TSPAN18: variants seen among roughly 807,000 people sequenced by gnomAD.
TSPAN18 encodes the protein tetraspanin-18.
Under a neutral mutation model 27.3 loss-of-function variants are expected in TSPAN18, and 14 were observed. The observed-to-expected ratio is 0.51, with a 90% CI of 0.34 to 0.80. The LOEUF is 0.80. Among genes scored for constraint, TSPAN18 ranks in the 30% least tolerant of loss-of-function variants. The probability of loss-of-function intolerance (pLI) is 0.01; values close to 1 mark genes in which losing one functional copy is unlikely to be tolerated. For synonymous variants in TSPAN18, 143 were observed against 136.5 expected, an observed-to-expected ratio of 1.05 and a Z score of -0.33; for missense variants, 268 against 323.9, an observed-to-expected ratio of 0.83 and a Z score of 1.32.
intron 2 of TSPAN18, among the ~76,000 whole-genome samples, chr11:44,825,441 T>A (rs1415751033): frequency 6.6e-6 from 1 of 152,152 alleles, no homozygotes; most frequent in Non-Finnish European, 1.5e-5. Context: ...TCAGTCTGAC[T>A]CCAGTGCTCT....
At chr11:44,807,228 AAAAAAAAAG>A (rs1425177166) in intron 2 of TSPAN18, among the ~76,000 whole-genome samples, 265 of 24,532 alleles carry the variant, frequency 0.011, 36 homozygotes, top group African/African-American at 0.018. Flanking sequence ...AAAAAAAAAA[AAAAAAAAAG>A]AAGGAAAGAG....
rs1034849545 is a variant in TSPAN18, at chr11:44,746,175, G to A, written c.-239-18251G>A. Among the ~76,000 whole-genome samples, 70 of 152,350 alleles carry A rather than the reference G, an allele frequency of 4.6e-4. 1 individual carries two copies. Among genetic ancestry groups the A allele is most frequent in the African/African-American group, 1.6e-3 (67 of 41,574 alleles). On this transcript the variant is annotated intron_variant, in intron 1 of 9. Coordinates refer to ENST00000520358, the MANE Select transcript of TSPAN18 (RefSeq NM_130783.5). ...TGGGGATAAGCAGCAGCTGCCCCCC[G>A]TGGGTGGGGCACGTTGCTCTCTTCT...
chr11:44,909,943 GT>G, intron 5 of TSPAN18, 44 bp downstream of exon 5: 2 of 1,564,246 alleles, frequency 1.3e-6, no homozygotes, highest in Non-Finnish European at 1.7e-6. Flanking sequence ...GCTCTGAGGG[GT>G]GTCAGGGATT....
intron 2 of TSPAN18, among the ~76,000 whole-genome samples, chr11:44,828,426 T>G (rs910527662): frequency 1.3e-5 from 2 of 152,146 alleles, no homozygotes; most frequent in African/African-American, 4.8e-5. Context: ...TCTAGAATGG[T>G]TTCCTTACCT....
Position 44,798,384 on chromosome 11 carries a change from CAA to C in TSPAN18, c.-153+33873_-153+33874del, listed in dbSNP as rs1056832970. ...CACAGACAGGGAAAGACGGGGAAAG[CAA>C]GACTTGGAGGATTAAGTCGCTTGTC... On this transcript the variant is annotated intron_variant, in intron 2 of 9. Transcript: ENST00000520358. Among the ~76,000 whole-genome samples, 35 of 151,996 alleles carry C rather than the reference CAA, an allele frequency of 2.3e-4. 1 individual carries two copies. The highest frequency in any genetic ancestry group is 8.5e-4 in the African/African-American group (35 of 41,376).
At chr11:44,741,353 G>C (rs1425653075) in intron 1 of TSPAN18, among the ~76,000 whole-genome samples, 1 of 151,918 alleles carries the variant, frequency 6.6e-6, no homozygotes, top group Non-Finnish European at 1.5e-5. Context: ...TAAAAATGTG[G>C]TTGCTATGTA....
chr11:44,871,850 A>G (rs1374061355), intron 3 of TSPAN18, among the ~76,000 whole-genome samples: 1 of 152,158 alleles, frequency 6.6e-6, no homozygotes, highest in Admixed American at 6.5e-5. Context: ...AGTGGTTAAA[A>G]GCCACTCACT....
rs56785088 is a variant in TSPAN18, at chr11:44,908,744, AAGAG to A, written c.64-943_64-940del. Among the ~76,000 whole-genome samples, 296 of 90,514 alleles carry A rather than the reference AAGAG, an allele frequency of 3.3e-3. 21 individuals are homozygous for A. Among genetic ancestry groups the A allele is most frequent in the Middle Eastern group, 0.013 (3 of 228 alleles). The allele number at this position is 90,514 out of a possible 152,430, so 59.4% of individuals were successfully genotyped here. A position where few individuals can be genotyped will look rare whatever the true frequency, so the allele number is the denominator to read the frequency against. ...GCAAGACTGTCTCAAAAAAGAAAGA[AAGAG>A]AGAGAGAGAGAGAGAGAAAGGAGAA... is the stretch of plus-strand genomic sequence containing the variant. On this transcript the variant is annotated intron_variant, in intron 4 of 9. Transcript: ENST00000520358.
intron 3 of TSPAN18, among the ~76,000 whole-genome samples, chr11:44,875,051 G>A (rs1234323871): frequency 6.6e-6 from 1 of 152,210 alleles, no homozygotes; most frequent in African/African-American, 2.4e-5. Flanking sequence ...CTTCCCCAGG[G>A]CTGGAGCAGC....
rs1220013049 is a variant in TSPAN18, at chr11:44,860,325, C to T, written c.-152-3C>T. ...CACGGCTGCTTCTGCTTCCCTCTCA[C>T]AGGTGAGCATCTCCTGGACCACCCT... is the stretch of plus-strand genomic sequence containing the variant. On this transcript the variant is annotated splice_region_variant and splice_polypyrimidine_tract_variant and intron_variant, in intron 2 of 9. Coordinates refer to ENST00000520358, the MANE Select transcript of TSPAN18 (RefSeq NM_130783.5). 2 of 152,192 alleles carry T rather than the reference C, an allele frequency of 1.3e-5. No individual in the cohort carries two copies. The highest frequency in any genetic ancestry group is 2.4e-5 in the African/African-American group (1 of 41,462). The allele number at this position is 152,192 out of a possible 1,614,324, so 9.4% of individuals were successfully genotyped here. A position where few individuals can be genotyped will look rare whatever the true frequency, so the allele number is the denominator to read the frequency against.
In TSPAN18 at chr11:44,867,610, G is replaced by A. The variant is rs747273001; in HGVS notation, c.-11+7141G>A. ...GATGGGGTTTCACCATGTTGACCAG[G>A]GTGGTCTCAAACTCCTGACCTCAGG... On this transcript the variant is annotated intron_variant, in intron 3 of 9. Coordinates refer to ENST00000520358, the MANE Select transcript of TSPAN18 (RefSeq NM_130783.5). Among the ~76,000 whole-genome samples the A allele has an allele frequency of 5.3e-4, 81 of 152,030 alleles. 1 individual carries two copies. The highest frequency in any genetic ancestry group is 7.2e-4 in the Non-Finnish European group (49 of 67,974).
At chr11:44,872,311 C>CT (rs1296358761) in intron 3 of TSPAN18, among the ~76,000 whole-genome samples, 2 of 152,248 alleles carry the variant, frequency 1.3e-5, no homozygotes, top group Non-Finnish European at 1.5e-5. Flanking sequence ...AGTTGCCTCC[C>CT]TAAAGGTCCT....
At chr11:44,737,333 C>T (rs1037238432) in intron 1 of TSPAN18, among the ~76,000 whole-genome samples, 4 of 152,142 alleles carry the variant, frequency 2.6e-5, no homozygotes, top group African/African-American at 7.2e-5. Context: ...TTGTGGTCAC[C>T]GCAGGAAGCA....
intron 2 of TSPAN18, among the ~76,000 whole-genome samples, chr11:44,836,843 C>T (rs559147534): frequency 3.3e-5 from 5 of 152,314 alleles, no homozygotes; most frequent in African/African-American, 4.8e-5. Context: ...GATGACAGCA[C>T]GTCTGTTTAC....
At chr11:44,784,618 G>A (rs971525037) in intron 2 of TSPAN18, among the ~76,000 whole-genome samples, 6 of 152,116 alleles carry the variant, frequency 3.9e-5, no homozygotes, top group African/African-American at 1.2e-4. Context: ...TCTCCATCCC[G>A]GGACAGAAGA....
intron 4 of TSPAN18, among the ~76,000 whole-genome samples, chr11:44,908,769 G>GAAAGAAGGAAAGAA (rs1554938043): frequency 5.6e-5 from 4 of 71,620 alleles, no homozygotes; most frequent in African/African-American, 2.7e-4. Flanking sequence ...AGAGAGAAAG[G>GAAAGAAGGAAAGAA]AGAAAGAAAG....
chr11:44,751,586 G>GT (rs971696905), intron 1 of TSPAN18, among the ~76,000 whole-genome samples: 1 of 152,080 alleles, frequency 6.6e-6, no homozygotes, highest in African/African-American at 2.4e-5. Flanking sequence ...TTGTTTCTGC[G>GT]TTTAAATAAT....
intron 2 of TSPAN18, among the ~76,000 whole-genome samples, chr11:44,796,550 G>A (rs1403625493): frequency 3.3e-5 from 5 of 152,154 alleles, no homozygotes; most frequent in African/African-American, 9.7e-5. Flanking sequence ...ACACCTCTCC[G>A]GGTTTTGCCT....
At chr11:44,843,709 C>T (rs1412764172) in intron 2 of TSPAN18, among the ~76,000 whole-genome samples, 1 of 152,196 alleles carries the variant, frequency 6.6e-6, no homozygotes, top group Admixed American at 6.5e-5. Context: ...TGCGCATTCT[C>T]TTTCTCAGGG....
Sources: allele counts gnomAD v4.1 joint callset (sites outside exome capture counted in the v4.1 genomes callset), GRCh38; gene constraint gnomAD v4.1.1; transcripts MANE v1.5; gene names NCBI Gene and HGNC (gene_info 2026-07-23, HGNC 2026-07-21).